The following LRP6 variants were observed in gnomAD, a reference collection of about 807,000 sequenced individuals.
LRP6 encodes low-density lipoprotein receptor-related protein 6.
In LRP6, 43 loss-of-function variants were observed where a neutral mutation model predicts 184.1. The ratio of observed to expected loss-of-function variants is 0.23; its 90% CI spans 0.18 to 0.30. LRP6 has a LOEUF of 0.30. Ranked by LOEUF, LRP6 falls within the 10% of genes least tolerant of loss-of-function variation. LRP6 has a pLI of 1.00. For missense variants in LRP6, 1,571 were observed against 2,005.3 expected, an observed-to-expected ratio of 0.78 and a Z score of 4.14; for synonymous variants, 719 against 684.9, an observed-to-expected ratio of 1.05 and a Z score of -0.78.
rs3053796 is a variant in LRP6 at position 12,249,671 on chromosome 12, AGAAGGAAGGAAGGAAGGAAGGAAG to A, written c.56-5040_56-5017del. Among the ~76,000 whole-genome samples the A allele has an allele frequency of 8.8e-3, 1,245 of 141,504 alleles. 13 individuals carry two copies. Among genetic ancestry groups the A allele is most frequent in the African/African-American group, 0.017 (634 of 36,380 alleles). 92.8% of individuals were successfully genotyped at this position (141,504 alleles called of 152,430 possible). A position where few individuals can be genotyped will look rare whatever the true frequency, so the allele number is the denominator to read the frequency against. On this transcript the variant is annotated intron_variant, in intron 1 of 22. Transcript: ENST00000261349. The stretch of plus-strand genomic sequence containing the variant: ...TGAAATATATAAGTTGTGCTATAAC[AGAAGGAAGGAAGGAAGGAAGGAAG>A]GAAGGAAGGAAGGAAGGAAGGAAGG...
At chr12:12,169,583 A>G (rs1862976948) in intron 7 of LRP6, among the ~76,000 whole-genome samples, 1 of 152,182 alleles carries the variant, frequency 6.6e-6, no homozygotes, top group Admixed American at 6.5e-5. Flanking sequence ...ACCACGATCA[A>G]AGTATTAACA....
At chr12:12,153,359 G>A (rs1005148551) in intron 12 of LRP6, among the ~76,000 whole-genome samples, 2 of 152,104 alleles carry the variant, frequency 1.3e-5, no homozygotes, top group South Asian at 2.1e-4. Flanking sequence ...CAGAGTTTTA[G>A]TTCCCATATT....
At position 12,231,369 on chromosome 12, in the gene LRP6, G is replaced by C. The variant is rs945130595; in HGVS notation, c.449+12893C>G. Among the ~76,000 whole-genome samples, 5 of 152,058 alleles carry C rather than the reference G, an allele frequency of 3.3e-5. No individual in the cohort carries two copies. In the East Asian group the frequency reaches 9.7e-4, roughly 29 times the overall value. On this transcript the variant is annotated intron_variant, in intron 2 of 22. Transcript: ENST00000261349. ...AAAGCATGGACTCTCAAAGAACAAT[G>C]AAGTAGAAAGATCTGCCCACTGGCA...
intron 1 of LRP6, among the ~76,000 whole-genome samples, chr12:12,248,607 G>T (rs768164675): frequency 2.4e-4 from 36 of 148,258 alleles, no homozygotes; most frequent in South Asian, 8.7e-4. Flanking sequence ...TCAGCCTCCC[G>T]AGTAGCTGGG....
chr12:12,123,964 T>C (rs947235866), intron 22 of LRP6, among the ~76,000 whole-genome samples: 1 of 152,154 alleles, frequency 6.6e-6, no homozygotes, highest in Non-Finnish European at 1.5e-5. Context: ...TCTTAGAATA[T>C]CAAACTATTT....
intron 2 of LRP6, among the ~76,000 whole-genome samples, chr12:12,230,700 T>C (rs1864760570): frequency 6.6e-6 from 1 of 152,258 alleles, no homozygotes; most frequent in African/African-American, 2.4e-5. Context: ...TCAGAGTTTC[T>C]ATTCTGGTAA....
At position 12,233,736 on chromosome 12, in the gene LRP6, G is replaced by A. The variant is rs77128559; in HGVS notation, c.449+10526C>T. Among the ~76,000 whole-genome samples, 481 of 152,200 alleles carry A rather than the reference G, an allele frequency of 3.2e-3. 3 individuals carry two copies. The highest frequency in any genetic ancestry group is 0.011 in the African/African-American group (442 of 41,522). On this transcript the variant is annotated intron_variant, in intron 2 of 22. Transcript: ENST00000261349. ...TTATAACATTAAAGAATTGTTCATC[G>A]CAAGTTGTGTGAAAGACAGTGGCAT...
intron 10 of LRP6, 139 bp downstream of exon 10, chr12:12,162,046 ATAGTGTTT>A: frequency 5.9e-6 from 4 of 676,574 alleles, no homozygotes; most frequent in Non-Finnish European, 1.0e-5. Context: ...CAAAATATCA[ATAGTGTTT>A]TTAAAAGTTC....
chr12:12,249,338 A>G, intron 1 of LRP6: 1 of 1,152,618 alleles, frequency 8.7e-7, no homozygotes, highest in Non-Finnish European at 1.3e-6. Flanking sequence ...TCACAGCACC[A>G]AAGTTGTCCT....
chr12:12,125,730 G>A (rs144646059), intron 20 of LRP6, among the ~76,000 whole-genome samples: 105 of 152,266 alleles, frequency 6.9e-4, no homozygotes, highest in African/African-American at 2.4e-3. Flanking sequence ...ACCTCTTGGA[G>A]GATTTGAAAG....
chr12:12,147,045 A>C (rs1591885036), intron 15 of LRP6, among the ~76,000 whole-genome samples: 2 of 152,092 alleles, frequency 1.3e-5, no homozygotes, highest in Non-Finnish European at 1.5e-5. Context: ...CCAGATACTC[A>C]GGAGGCTGAG....
At chr12:12,185,781 A>G (rs1464631474) in intron 4 of LRP6, among the ~76,000 whole-genome samples, 1 of 151,724 alleles carries the variant, frequency 6.6e-6, no homozygotes, top group Non-Finnish European at 1.5e-5. Context: ...AAATTCAAAT[A>G]TATTCTAGAT....
At position 12,181,279 on chromosome 12, in the gene LRP6, A is replaced by G. The variant is rs768015145; in HGVS notation, c.1137T>C (p.Asp379=). The G allele has an allele frequency of 1.9e-6, 3 of 1,614,084 alleles. No individual in the cohort carries two copies. The highest frequency in any genetic ancestry group is 2.5e-6 in the Non-Finnish European group (3 of 1,180,016). The part of the protein sequence containing the change: ...PVEGYIYWTD[D]EVRAIRRSFI... ...ATGAACGGCGTATGGCCCTCACTTC[A>G]TCATCAGTCCAGTAGATGTAGCCTT... Residue 379 remains aspartate, a synonymous_variant, in exon 6 of 23, where the codon GAT becomes GAC. Coordinates refer to ENST00000261349, the MANE Select transcript of LRP6 (RefSeq NM_002336.3).
chr12:12,151,963 G>T (rs766929126), intron 12 of LRP6, among the ~76,000 whole-genome samples: 2 of 152,196 alleles, frequency 1.3e-5, no homozygotes, highest in African/African-American at 4.8e-5. Flanking sequence ...GGCATGGAAA[G>T]AGAGCAGGTA....
intron 3 of LRP6, among the ~76,000 whole-genome samples, chr12:12,192,942 C>A (rs1565627588): frequency 6.6e-6 from 1 of 152,026 alleles, no homozygotes; most frequent in African/African-American, 2.4e-5. Flanking sequence ...TTTTCACGTA[C>A]ACGTGGAACT....
intron 1 of LRP6, among the ~76,000 whole-genome samples, chr12:12,255,569 T>TC (rs1865441469): frequency 7.0e-6 from 1 of 143,658 alleles, no homozygotes; most frequent in Non-Finnish European, 1.5e-5. Flanking sequence ...TTGGTCACTT[T>TC]TTTTTTTTTT....
intron 21 of LRP6, among the ~76,000 whole-genome samples, chr12:12,125,041 C>G (rs1014406977): frequency 6.6e-6 from 1 of 152,132 alleles, no homozygotes; most frequent in South Asian, 2.1e-4. Flanking sequence ...CAATAGGTAC[C>G]ATTCAGTAGT....
At chr12:12,207,844 T>A (rs1185883798) in intron 2 of LRP6, among the ~76,000 whole-genome samples, 1 of 152,020 alleles carries the variant, frequency 6.6e-6, no homozygotes, top group Non-Finnish European at 1.5e-5. Context: ...GAAAATGGGG[T>A]AACACTAACT....
chr12:12,120,170 A>G lies in LRP6; in HGVS notation c.*956T>C, dbSNP rs1949586289. ...TGTGTTGTAAAAAGACATTTTAATG[A>G]GCATTAAAACAATCTTGGAAGAAGA... On this transcript the variant is annotated 3_prime_UTR_variant, in exon 23 of 23. Transcript: ENST00000261349. 6.6e-6 allele frequency: 1 copy of G among 151,608 alleles called. No individual in the cohort carries two copies. The highest frequency in any genetic ancestry group is 2.4e-5 in the African/African-American group (1 of 41,356). The allele number at this position is 151,608 out of a possible 1,614,324, so 9.4% of individuals were successfully genotyped here.
Sources: allele counts gnomAD v4.1 joint callset (sites outside exome capture counted in the v4.1 genomes callset), GRCh38; gene constraint gnomAD v4.1.1; transcripts MANE v1.5; gene names NCBI Gene and HGNC (gene_info 2026-07-23, HGNC 2026-07-21).